The following AFDN variants were observed in gnomAD, a reference collection of about 807,000 sequenced individuals.
AFDN encodes afadin.
AFDN carries 68 observed loss-of-function variants against 216.6 expected under a neutral mutation model. The observed-to-expected ratio is 0.31, with a 90% CI of 0.26 to 0.38. The LOEUF is 0.38. AFDN is among the 10% of genes least tolerant of loss of function. The pLI, the probability that AFDN is intolerant of heterozygous loss-of-function variation, is 1.00. For missense variants in AFDN, 2,136 were observed against 2,342.0 expected (o/e 0.91, Z 1.82); for synonymous variants, 868 against 853.7 (o/e 1.02, Z -0.29).
At chr6:167,958,510 C>G (rs922596939) in intron 30 of AFDN, among the ~76,000 whole-genome samples, 2 of 152,190 alleles carry the variant, frequency 1.3e-5, no homozygotes, top group African/African-American at 4.8e-5. Context: ...TGGCTAAGCT[C>G]AGGTTTGTCT....
chr6:167,901,616 A>T lies in AFDN; in HGVS notation c.1581-701A>T, dbSNP rs561763218. 7.9e-5 allele frequency among the ~76,000 whole-genome samples: 12 copies of T among 152,244 alleles called. No individual in the cohort carries two copies. In the South Asian group the frequency reaches 2.5e-3, roughly 32 times the overall value. ...GTGCTTTACAAAAATAATCAGATTG[A>T]CTTTCAAATAGGAGAGAAGCTCACC... On this transcript the variant is annotated intron_variant, in intron 11 of 33. Coordinates refer to ENST00000683244, the MANE Select transcript of AFDN (RefSeq NM_001386888.1).
intron 23 of AFDN, among the ~76,000 whole-genome samples, chr6:167,929,255 A>G (rs1703231430): frequency 6.6e-6 from 1 of 151,674 alleles, no homozygotes; most frequent in African/African-American, 2.4e-5. Context: ...AAAAAAAAAA[A>G]TTAACAAAAG....
chr6:167,971,268 C>G lies in AFDN; in HGVS notation c.*1333C>G, dbSNP rs1562365303. 4.6e-6 allele frequency: 1 copy of G among 218,324 alleles called. No individual in the cohort carries two copies. Among genetic ancestry groups the G allele is most frequent in the South Asian group, 1.9e-4 (1 of 5,392 alleles). The allele number at this position is 218,324 out of a possible 1,614,324, so 13.5% of individuals were successfully genotyped here. On this transcript the variant is annotated 3_prime_UTR_variant, in exon 34 of 34. Transcript: ENST00000683244. ...CAAAGAGAATGTTCTCTTACACATACGTATGTTAGGAAAATAGACACATTT... is the reference window on the plus strand; with the variant it reads ...CAAAGAGAATGTTCTCTTACACATAGGTATGTTAGGAAAATAGACACATTT...
At chr6:167,853,673 A>T (rs952976247) in intron 1 of AFDN, among the ~76,000 whole-genome samples, 2 of 152,100 alleles carry the variant, frequency 1.3e-5, no homozygotes, top group African/African-American at 4.8e-5. Flanking sequence ...CTCTTTGAAG[A>T]TGTAACCAAA....
At chr6:167,958,134 C>T (rs1224068721) in intron 30 of AFDN, among the ~76,000 whole-genome samples, 2 of 152,164 alleles carry the variant, frequency 1.3e-5, no homozygotes, top group African/African-American at 2.4e-5. Flanking sequence ...GTCAAAGCTT[C>T]GTTTTATGTC....
At position 167,905,244 on chromosome 6, in the gene AFDN, G is replaced by A. The variant is rs114641146; in HGVS notation, c.1651-1927G>A. Reference sequence around the variant, plus strand: ...TACCTGCTGTGTTTGTTGACCAGCTGTAGAATGTGAACTCTGCAAGTGGGG... The same window carrying A: ...TACCTGCTGTGTTTGTTGACCAGCTATAGAATGTGAACTCTGCAAGTGGGG... On this transcript the variant is annotated intron_variant, in intron 12 of 33. Coordinates refer to ENST00000683244, the MANE Select transcript of AFDN (RefSeq NM_001386888.1). 7.0e-3 allele frequency among the ~76,000 whole-genome samples: 1,059 copies of A among 152,290 alleles called. 16 individuals are homozygous for A. The highest frequency in any genetic ancestry group is 0.024 in the African/African-American group (1,006 of 41,552).
intron 12 of AFDN, among the ~76,000 whole-genome samples, chr6:167,905,418 G>A (rs547872989): frequency 6.6e-6 from 1 of 152,284 alleles, no homozygotes; most frequent in South Asian, 2.1e-4. Context: ...TTAAAAAAAT[G>A]TGTAGTCCAC....
chr6:167,892,871 G>A (rs1413191972), intron 8 of AFDN, among the ~76,000 whole-genome samples: 3 of 152,076 alleles, frequency 2.0e-5, no homozygotes, highest in African/African-American at 7.2e-5. Flanking sequence ...CCAAATATTG[G>A]CAACAGCATT....
chr6:167,915,331 C>T lies in AFDN; in HGVS notation c.2463C>T (p.Tyr821=), dbSNP rs1459992539. ...TDPDSGLCSH[Y]WGAIIRQQLG... is the part of the protein sequence containing the mutation. ...CAGATTCGGGGCTGTGCTCCCATTA[C>T]TGGGGTGCGATTATCCGTCAGCAGT... The change falls in exon 19 of 34, where the codon TAC becomes TAT. Residue 821 remains tyrosine (Y), a synonymous_variant. Transcript: ENST00000683244. The T allele has an allele frequency of 6.2e-7, 1 of 1,614,216 alleles. No individual in the cohort carries two copies. The highest frequency in any genetic ancestry group is 1.7e-5 in the Admixed American group (1 of 60,024).
chr6:167,874,841 C>G (rs1785173855), intron 4 of AFDN, among the ~76,000 whole-genome samples: 1 of 152,046 alleles, frequency 6.6e-6, no homozygotes, highest in African/African-American at 2.4e-5. Flanking sequence ...TCTCCAACTC[C>G]CGACCTCAGA....
intron 1 of AFDN, among the ~76,000 whole-genome samples, chr6:167,859,072 T>G (rs896673292): frequency 3.9e-5 from 5 of 126,784 alleles, no homozygotes; most frequent in African/African-American, 7.4e-5. Flanking sequence ...GCCGTTCTTG[T>G]TTTTTTTTTT....
chr6:167,932,344 G>C (rs114554562), intron 23 of AFDN, among the ~76,000 whole-genome samples: 2 of 152,182 alleles, frequency 1.3e-5, no homozygotes, highest in African/African-American at 4.8e-5. Context: ...AGCAGTGTGG[G>C]TATGCAGTTT....
rs545285170 is a variant in AFDN at position 167,969,764 on chromosome 6, T to C, written c.5343-18T>C. 4 of 1,594,538 alleles carry C rather than the reference T, an allele frequency of 2.5e-6. No individual in the cohort carries two copies. In the African/African-American group the frequency reaches 5.4e-5, roughly 22 times the overall value. Reference sequence around the variant, plus strand: ...TTCTAGTTTGTCCAGTAATCTTTGATATTGCCCTCTTCTGCAGCCAAGATG... The same window carrying C: ...TTCTAGTTTGTCCAGTAATCTTTGACATTGCCCTCTTCTGCAGCCAAGATG... On this transcript the variant is annotated intron_variant, in intron 33 of 33. Transcript: ENST00000683244.
At chr6:167,920,106 C>A (rs116478400) in intron 21 of AFDN, among the ~76,000 whole-genome samples, 6 of 152,108 alleles carry the variant, frequency 3.9e-5, no homozygotes, top group Admixed American at 3.9e-4. Flanking sequence ...TCCTCAGAGA[C>A]GCAGAGAGAG....
intron 1 of AFDN, among the ~76,000 whole-genome samples, chr6:167,843,136 C>G (rs1246093197): frequency 6.6e-6 from 1 of 152,168 alleles, no homozygotes; most frequent in Non-Finnish European, 1.5e-5. Flanking sequence ...AGTATTCTCT[C>G]TTAGATTAGC....
At chr6:167,939,743 G>C (rs1794456538) in intron 23 of AFDN, among the ~76,000 whole-genome samples, 1 of 152,166 alleles carries the variant, frequency 6.6e-6, no homozygotes, top group Non-Finnish European at 1.5e-5. Flanking sequence ...ATTAGATTAT[G>C]TATGAGGGAT....
At chr6:167,889,578 C>CT (rs1421641191) in intron 7 of AFDN, among the ~76,000 whole-genome samples, 4 of 29,574 alleles carry the variant, frequency 1.4e-4, no homozygotes, top group Admixed American at 5.0e-4. Flanking sequence ...GGATTACAGG[C>CT]TCCGCCCCCA....
chr6:167,892,423 C>G (rs1787728521), intron 8 of AFDN, among the ~76,000 whole-genome samples: 1 of 152,076 alleles, frequency 6.6e-6, no homozygotes, highest in Non-Finnish European at 1.5e-5. Flanking sequence ...TTTTTAGGCT[C>G]TTTTTTGGGT....
At chr6:167,942,102 C>T (rs1794761631) in intron 23 of AFDN, among the ~76,000 whole-genome samples, 1 of 150,144 alleles carries the variant, frequency 6.7e-6, no homozygotes, top group Admixed American at 6.7e-5. Flanking sequence ...TTTGTTTTTT[C>T]CCTGAGGGGA....
Sources: gnomAD v4.1 joint callset for allele counts (sites outside exome capture counted in the v4.1 genomes callset) on GRCh38, gnomAD v4.1.1 for gene constraint, MANE v1.5 for transcripts, NCBI Gene and HGNC (gene_info 2026-07-23, HGNC 2026-07-21) for gene names.